Variants in SLC6A16 observed in about 807,000 individuals in gnomAD.
SLC6A16 encodes the protein orphan sodium- and chloride-dependent neurotransmitter transporter NTT5.
In SLC6A16, 54 loss-of-function variants were observed where a neutral mutation model predicts 65.4. That is an observed-to-expected ratio of 0.83 (90% confidence interval 0.66 to 1.04). The LOEUF (loss-of-function observed/expected upper bound fraction) is 1.04, where lower values mean the gene tolerates loss of function less well. Among genes scored for constraint, SLC6A16 ranks in the 50% least tolerant of loss-of-function variants. SLC6A16 has a pLI of 0.00. For synonymous variants in SLC6A16, 330 were observed against 346.5 expected (o/e 0.95, Z 0.53); for missense variants, 816 against 914.0 (o/e 0.89, Z 1.38).
chr19:49,315,038 C>CAA lies in SLC6A16; in HGVS notation c.-64-3629_-64-3628dup, dbSNP rs35235452. ...TTACCCACAATCTCCCCCTACCCAA[C>CAA]AAAAAAAAAAACCAATGATTTTAAA... On this transcript the variant is annotated intron_variant, in intron 1 of 11. Coordinates refer to ENST00000335875, the MANE Select transcript of SLC6A16 (RefSeq NM_014037.3). Among the ~76,000 whole-genome samples, 109 of 145,726 alleles carry CAA rather than the reference C, an allele frequency of 7.5e-4. 2 individuals carry two copies. The East Asian group carries it at 8.7e-3, about 12-fold the overall frequency.
chr19:49,324,840 G>A (rs920416840), intron 1 of SLC6A16, among the ~76,000 whole-genome samples: 1 of 152,212 alleles, frequency 6.6e-6, no homozygotes, highest in Non-Finnish European at 1.5e-5. Context: ...GAGAGCCGAA[G>A]ACAGTTTCCT....
the SLC6A16 span, chr19:49,336,048 C>A: frequency 5.7e-6 from 3 of 526,240 alleles, no homozygotes; most frequent in African/African-American, 1.9e-5. Flanking sequence ...CCCCCACAAA[C>A]CTTCCCCTCG....
chr19:49,328,881 A>G (rs1038091438), upstream of SLC6A16, among the ~76,000 whole-genome samples: 32 of 152,220 alleles, frequency 2.1e-4, no homozygotes, highest in African/African-American at 7.2e-4. Flanking sequence ...AGAGATCCAT[A>G]TAAGAGAAGA....
intron 1 of SLC6A16, among the ~76,000 whole-genome samples, chr19:49,320,129 C>G (rs183060985): frequency 6.6e-6 from 1 of 152,216 alleles, no homozygotes; most frequent in African/African-American, 2.4e-5. Flanking sequence ...AAAAAAGAGG[C>G]CGGATGCAGT....
At chr19:49,335,639 G>A in the SLC6A16 span, 13 of 1,610,992 alleles carry the variant, frequency 8.1e-6, 1 homozygote, top group Middle Eastern at 1.6e-4. This position sits in a 1 kb window ranked among gnomAD's most constrained non-coding sequence, Gnocchi z 4.6. Context: ...CCCAGCCGGG[G>A]CCCAGCCCCT....
At chr19:49,304,587 G>T (rs1970347829) in intron 7 of SLC6A16, among the ~76,000 whole-genome samples, 1 of 152,088 alleles carries the variant, frequency 6.6e-6, no homozygotes, top group Admixed American at 6.6e-5. Context: ...CCAACATGGA[G>T]AAACCCCGTC....
chr19:49,295,329 G>A (rs145016186), intron 7 of SLC6A16, among the ~76,000 whole-genome samples: 2,221 of 151,474 alleles, frequency 0.015, 57 homozygotes, highest in African/African-American at 0.051. Flanking sequence ...GCAGTGAGCC[G>A]AGATCGCACC....
the SLC6A16 span, chr19:49,337,601 C>A: frequency 1.2e-5 from 17 of 1,420,662 alleles, no homozygotes; most frequent in Non-Finnish European, 1.1e-5. Flanking sequence ...AGAGTGAGAC[C>A]CTGTCTCAAA....
intron 10 of SLC6A16, among the ~76,000 whole-genome samples, chr19:49,291,117 A>G (rs1307431605): frequency 6.6e-6 from 1 of 152,200 alleles, no homozygotes; most frequent in Non-Finnish European, 1.5e-5. Flanking sequence ...CAGATAAAAT[A>G]AAGTGGCATT....
intron 7 of SLC6A16, among the ~76,000 whole-genome samples, chr19:49,300,917 T>C (rs1452797521): frequency 1.3e-5 from 2 of 152,018 alleles, no homozygotes; most frequent in Non-Finnish European, 2.9e-5. Context: ...CTGGGCATGG[T>C]GGCACGTTCC....
upstream of SLC6A16, among the ~76,000 whole-genome samples, chr19:49,327,110 G>A (rs1040968469): frequency 6.8e-6 from 1 of 146,310 alleles, no homozygotes; most frequent in African/African-American, 2.6e-5. Flanking sequence ...ATCTCACTTT[G>A]TCACCCAGGC....
chr19:49,299,882 G>T (rs1489461117), intron 7 of SLC6A16, among the ~76,000 whole-genome samples: 2 of 98,298 alleles, frequency 2.0e-5, no homozygotes, highest in Non-Finnish European at 4.6e-5. Flanking sequence ...AACTAGCCGG[G>T]CGTGGTGGTG....
chr19:49,309,984 C>G, intron 4 of SLC6A16, 56 bp downstream of exon 4: 1 of 1,580,662 alleles, frequency 6.3e-7, no homozygotes, highest in South Asian at 1.1e-5. Flanking sequence ...TCCAAATTCC[C>G]TTCTACTTCT....
chr19:49,325,231 C>T (rs377381256), upstream of SLC6A16: 114 of 985,100 alleles, frequency 1.2e-4, 1 homozygote, highest in Middle Eastern at 2.1e-3. Flanking sequence ...TCTGCGCATG[C>T]GCCGCCGCGC....
chr19:49,296,234 G>A (rs914709950), intron 7 of SLC6A16, among the ~76,000 whole-genome samples: 6 of 152,118 alleles, frequency 3.9e-5, no homozygotes, highest in African/African-American at 1.4e-4. Context: ...TGATCTGCCC[G>A]CCTCAGCCTC....
At chr19:49,336,341 A>C in the SLC6A16 span, 1 of 158,820 alleles carries the variant, frequency 6.3e-6, no homozygotes, top group African/African-American at 2.4e-5. Context: ...GGATCACTTG[A>C]GGTCAGGAGT....
chr19:49,331,900 C>G, the SLC6A16 span: 1 of 455,198 alleles, frequency 2.2e-6, no homozygotes. Context: ...CCACTGCACT[C>G]TGCCACCTAC....
chr19:49,335,496 AC>A, the SLC6A16 span: 2 of 1,373,034 alleles, frequency 1.5e-6, no homozygotes. The surrounding 1 kb of genome is among the most constrained non-coding windows in gnomAD (Gnocchi z 4.6). Context: ...CACTGTCAGC[AC>A]CTCTTCTGTG....
At chr19:49,329,622 C>CT (rs71180620), upstream of SLC6A16, among the ~76,000 whole-genome samples, 1,542 of 70,758 alleles carry the variant, frequency 0.022, 33 homozygotes, top group African/African-American at 0.027. Context: ...AAGGCCTTGT[C>CT]TTTTTTTTTT....
Sources: gnomAD v4.1 joint callset for allele counts (sites outside exome capture counted in the v4.1 genomes callset) on GRCh38, gnomAD v4.1.1 for gene constraint, Gnocchi (gnomAD v3.1) non-coding constraint, MANE v1.5 for transcripts, NCBI Gene and HGNC (gene_info 2026-07-23, HGNC 2026-07-21) for gene names.